The following AGO3 variants were observed in gnomAD, a reference collection of about 807,000 sequenced individuals.
The protein encoded by AGO3 is protein argonaute-3.
Under a neutral mutation model 105.5 loss-of-function variants are expected in AGO3, and 16 were observed. The observed-to-expected ratio is 0.15, with a 90% CI of 0.10 to 0.23. The LOEUF (loss-of-function observed/expected upper bound fraction) is 0.23, where lower values mean the gene tolerates loss of function less well. Among genes scored for constraint, AGO3 ranks in the 10% least tolerant of loss-of-function variants. The pLI is 1.00. For synonymous variants in AGO3, 340 were observed against 367.3 expected (o/e 0.93, Z 0.85); for missense variants, 534 against 1,088.0 (o/e 0.49, Z 7.16).
intron 2 of AGO3, among the ~76,000 whole-genome samples, chr1:35,947,492 G>A (rs995492989): frequency 5.9e-5 from 9 of 152,124 alleles, no homozygotes; most frequent in Non-Finnish European, 8.8e-5. Flanking sequence ...CCTTTCTCCA[G>A]TATAACCCCT....
Position 35,931,373 on chromosome 1 carries a change from T to G in AGO3, c.-54T>G. On this transcript the variant is annotated 5_prime_UTR_variant, in exon 1 of 19. Coordinates refer to ENST00000373191, the MANE Select transcript of AGO3 (RefSeq NM_024852.4). ...CGCGTCGCCCCCCGGGCCGCCTCCT[T>G]GCCGCCAGTGGCGGGCTCCGTTCTC... 1 of 1,413,126 alleles carries G rather than the reference T, an allele frequency of 7.1e-7. No homozygotes were observed. The highest frequency in any genetic ancestry group is 9.3e-7 in the Non-Finnish European group (1 of 1,077,144). 87.5% of individuals were successfully genotyped at this position (1,413,126 alleles called of 1,614,324 possible). A position where few individuals can be genotyped will look rare whatever the true frequency, so the allele number is the denominator to read the frequency against.
intron 17 of AGO3, among the ~76,000 whole-genome samples, chr1:36,053,229 C>T (rs915465967): frequency 6.6e-6 from 1 of 151,554 alleles, no homozygotes; most frequent in African/African-American, 2.4e-5. Context: ...AATCAGAAAC[C>T]TTAGGGAACA....
chr1:35,966,761 A>G (rs1646782593), intron 2 of AGO3, among the ~76,000 whole-genome samples, 194 bp from the exon 3 acceptor site: 1 of 152,208 alleles, frequency 6.6e-6, no homozygotes, highest in Admixed American at 6.5e-5. Context: ...TGTCTAGTGA[A>G]ATGTATGTCA....
At chr1:36,050,976 G>T (rs932221608) in intron 17 of AGO3, among the ~76,000 whole-genome samples, 1 of 151,982 alleles carries the variant, frequency 6.6e-6, no homozygotes, top group Non-Finnish European at 1.5e-5. Flanking sequence ...ACAGACACAT[G>T]CCACCATGCC....
intron 2 of AGO3, among the ~76,000 whole-genome samples, chr1:35,960,075 T>C (rs562742978): frequency 6.6e-6 from 1 of 152,234 alleles, no homozygotes; most frequent in Admixed American, 6.5e-5. Flanking sequence ...TCGGTACTTA[T>C]ATTATCATAT....
At chr1:36,014,507 C>A (rs200392890) in intron 11 of AGO3, among the ~76,000 whole-genome samples, 1 of 151,420 alleles carries the variant, frequency 6.6e-6, no homozygotes, top group African/African-American at 2.4e-5. Context: ...CACAGTGGCT[C>A]ACACCTGTAA....
chr1:36,020,926 C>CTTTATTTA (rs1035926827), intron 11 of AGO3, among the ~76,000 whole-genome samples: 6 of 151,416 alleles, frequency 4.0e-5, no homozygotes, highest in South Asian at 4.2e-4. Flanking sequence ...CCTGCCATTA[C>CTTTATTTA]TTTATTTATT....
intron 13 of AGO3, among the ~76,000 whole-genome samples, chr1:36,035,906 G>A (rs565057361): frequency 3.0e-4 from 45 of 152,048 alleles, no homozygotes; most frequent in Non-Finnish European, 4.0e-4. Context: ...GGTGGCGGGC[G>A]CCTGTAGTCC....
chr1:36,026,363 C>T (rs1641503886), intron 11 of AGO3, among the ~76,000 whole-genome samples: 2 of 152,162 alleles, frequency 1.3e-5, no homozygotes, highest in Non-Finnish European at 1.5e-5. Context: ...CTGCCTCAGC[C>T]TCCCAAATTG....
chr1:36,020,605 A>C (rs1641164433), intron 11 of AGO3, among the ~76,000 whole-genome samples: 1 of 151,824 alleles, frequency 6.6e-6, no homozygotes, highest in Non-Finnish European at 1.5e-5. Context: ...TAACTGCCAT[A>C]CATTTATTTA....
At chr1:35,967,236 G>A (rs916160915) in intron 3 of AGO3, among the ~76,000 whole-genome samples, 161 bp downstream of exon 3, 19 of 152,012 alleles carry the variant, frequency 1.2e-4, no homozygotes, top group African/African-American at 4.3e-4. Flanking sequence ...AAGAAAAGTT[G>A]CAGGAATCAT....
chr1:36,027,259 CTTA>C lies in AGO3; in HGVS notation c.1557_1559del (p.Ile520del), dbSNP rs1297695090. On this transcript the variant is annotated inframe_deletion, in exon 12 of 19. Coordinates refer to ENST00000373191, the MANE Select transcript of AGO3 (RefSeq NM_024852.4). This position sits in a 1 kb window ranked among gnomAD's most constrained non-coding sequence, Gnocchi z 4.0. ...CAAGAACACATATTCTGGCCTACAG[CTTA>C]TTATCGTCATCCTGCCGGGGAAGAC... 1 of 1,613,754 alleles carries C rather than the reference CTTA, an allele frequency of 6.2e-7. No individual in the cohort carries two copies. The highest frequency in any genetic ancestry group is 8.5e-7 in the Non-Finnish European group (1 of 1,179,882).
intron 9 of AGO3, 83 bp downstream of exon 9, chr1:36,009,677 A>T (rs1361666028): frequency 1.5e-6 from 2 of 1,354,680 alleles, no homozygotes; most frequent in African/African-American, 2.9e-5. Flanking sequence ...TTATCAACCC[A>T]TACCTTATGA....
intron 14 of AGO3, among the ~76,000 whole-genome samples, chr1:36,037,525 CA>C (rs973118823): frequency 3.7e-4 from 56 of 149,356 alleles, no homozygotes; most frequent in Non-Finnish European, 7.0e-4. Flanking sequence ...CATCTCAAAA[CA>C]AAAAAAAAGA....
intron 14 of AGO3, among the ~76,000 whole-genome samples, chr1:36,038,934 G>A (rs1642129446): frequency 1.3e-5 from 2 of 152,178 alleles, no homozygotes; most frequent in Admixed American, 1.3e-4. Flanking sequence ...TATGGCTTCT[G>A]AGATAGGTTG....
In AGO3 at chr1:36,027,211, G is replaced by C; in HGVS notation, c.1504G>C (p.Val502Leu). 1.2e-6 allele frequency: 2 copies of C among 1,614,194 alleles called. No individual in the cohort carries two copies. Among genetic ancestry groups the C allele is most frequent in the Non-Finnish European group, 1.7e-6 (2 of 1,180,042 alleles). The change falls in exon 12 of 19, where the codon GTA (valine) becomes CTA (leucine). Residue 502 changes from valine to leucine, a missense_variant. By Grantham distance (32) the Val-to-Leu change is conservative. Coordinates refer to ENST00000373191, the MANE Select transcript of AGO3 (RefSeq NM_024852.4). This position sits in a 1 kb window ranked among gnomAD's most constrained non-coding sequence, Gnocchi z 4.0. ...CAAATATGCACAGGGGGCAGACAGC[G>C]TAGAGCCCATGTTCCGGCATCTCAA... ...FCKYAQGADSVEPMFRHLKNT... is the reference protein window; with the variant it reads ...FCKYAQGADSLEPMFRHLKNT...
chr1:36,008,975 G>A lies in AGO3; in HGVS notation c.960G>A (p.Gln320=), dbSNP rs746822701. Reference sequence around the variant, plus strand: ...ATTTCAGAGAAAAGTATACTCTTCAGCTGAAGTACCCGCACCTTCCCTGTC... The same window carrying A: ...ATTTCAGAGAAAAGTATACTCTTCAACTGAAGTACCCGCACCTTCCCTGTC... ...AQYFREKYTL[Q]LKYPHLPCLQ... The change falls in exon 8 of 19, where the codon CAG becomes CAA. Residue 320 remains glutamine, a synonymous_variant. Coordinates refer to ENST00000373191, the MANE Select transcript of AGO3 (RefSeq NM_024852.4). The surrounding 1 kb of genome is among the most constrained non-coding windows in gnomAD (Gnocchi z 5.1). 6.2e-7 allele frequency: 1 copy of A among 1,612,844 alleles called. No individual in the cohort carries two copies. Among genetic ancestry groups the A allele is most frequent in the South Asian group, 1.1e-5 (1 of 90,878 alleles).
At chr1:35,973,003 GT>G (rs200669148) in intron 4 of AGO3, among the ~76,000 whole-genome samples, 2 of 148,318 alleles carry the variant, frequency 1.3e-5, no homozygotes, top group Non-Finnish European at 3.0e-5. Context: ...GACTCAGTAT[GT>G]TTTTTTTTAA....
chr1:35,949,385 T>C (rs186702209), intron 2 of AGO3, among the ~76,000 whole-genome samples: 265 of 152,352 alleles, frequency 1.7e-3, no homozygotes, highest in African/African-American at 6.0e-3. Context: ...CTTGCTTTTG[T>C]CTTCAGTTTT....
Sources: allele counts gnomAD v4.1 joint callset (sites outside exome capture counted in the v4.1 genomes callset), GRCh38; gene constraint gnomAD v4.1.1; non-coding constraint Gnocchi (gnomAD v3.1); transcripts MANE v1.5; gene names NCBI Gene and HGNC (gene_info 2026-07-23, HGNC 2026-07-21).